The following ARMCX4 variants were observed in gnomAD, a reference collection of about 807,000 sequenced individuals.
ARMCX4 encodes the protein armadillo repeat containing X-linked 4.
In ARMCX4, 3 loss-of-function variants were observed where a neutral mutation model predicts 34.7. That is an observed-to-expected ratio of 0.09 (90% CI 0.04 to 0.22). The LOEUF (loss-of-function observed/expected upper bound fraction) is 0.22, where lower values mean the gene tolerates loss of function less well. Ranked by LOEUF, ARMCX4 falls within the 10% of genes least tolerant of loss-of-function variation. The pLI, the probability that ARMCX4 is intolerant of heterozygous loss-of-function variation, is 1.00. For synonymous variants in ARMCX4, 513 were observed against 632.8 expected (o/e 0.81, Z 2.84); for missense variants, 1,448 against 1,720.8 (o/e 0.84, Z 2.81).
intron 10 of ARMCX4, among the ~76,000 whole-genome samples, chrX:101,510,239 T>C (rs1260829859): frequency 2.7e-5 from 3 of 112,187 alleles, no homozygotes; most frequent in Non-Finnish European, 5.6e-5. Flanking sequence ...TTTTTTTAGG[T>C]TGTTTATTTG....
intron 2 of ARMCX4, among the ~76,000 whole-genome samples, chrX:101,440,850 C>T (rs1307657049): frequency 2.7e-5 from 3 of 111,227 alleles, no homozygotes; most frequent in East Asian, 2.8e-4. Context: ...GGGAGTGACC[C>T]GATTTTCCAG....
intron 2 of ARMCX4, among the ~76,000 whole-genome samples, chrX:101,429,484 C>T (rs1197673465): frequency 5.5e-5 from 6 of 108,434 alleles, no homozygotes; most frequent in African/African-American, 2.0e-4. Flanking sequence ...TACAGGCATG[C>T]GCCACCATGC....
chrX:101,526,207 C>T (rs1187338760), intron 11 of ARMCX4, among the ~76,000 whole-genome samples: 2 of 111,856 alleles, frequency 1.8e-5, no homozygotes, highest in Admixed American at 9.5e-5. Context: ...GAATTTTCAA[C>T]CCCAAATTTC....
chrX:101,460,296 G>A (rs1330561025), intron 4 of ARMCX4, among the ~76,000 whole-genome samples: 3 of 112,099 alleles, frequency 2.7e-5, no homozygotes, highest in Non-Finnish European at 3.8e-5. Flanking sequence ...ACCAGTCACT[G>A]GTCCTTAGAA....
At chrX:101,533,686 G>T (rs1252239925), downstream of ARMCX4, among the ~76,000 whole-genome samples, 4 of 111,916 alleles carry the variant, frequency 3.6e-5, no homozygotes, top group Non-Finnish European at 7.5e-5. Flanking sequence ...AGAATAGGTG[G>T]ATATTTCTTA....
chrX:101,429,897 A>G (rs1929886375), intron 2 of ARMCX4, among the ~76,000 whole-genome samples: 1 of 111,677 alleles, frequency 9.0e-6, no homozygotes, highest in Admixed American at 9.6e-5. Context: ...TTCTTACCAT[A>G]TAAGAATGGA....
chrX:101,475,458 T>C (rs6621074), intron 4 of ARMCX4, among the ~76,000 whole-genome samples: 55,092 of 109,988 alleles, frequency 0.5, 10,944 homozygotes, highest in African/African-American at 0.75. Context: ...AACACAAAGC[T>C]GGCAGTGGGC....
At chrX:101,497,864 CA>C (rs1934213620), downstream of ARMCX4, among the ~76,000 whole-genome samples, 2 of 111,933 alleles carry the variant, frequency 1.8e-5, no homozygotes, top group Non-Finnish European at 3.8e-5. Flanking sequence ...AAAATAATGT[CA>C]CACTTGTAGT....
In ARMCX4 at chrX:101,436,618, T is replaced by C. The variant is rs782529716; in HGVS notation, n.165-7434T>C. Among the ~76,000 whole-genome samples, 7 of 111,650 alleles carry C rather than the reference T, an allele frequency of 6.3e-5. No individual in the cohort carries two copies. In the South Asian group the frequency reaches 2.7e-3, roughly 42 times the overall value. On this transcript the variant is annotated intron_variant and non_coding_transcript_variant, in intron 2 of 3. Transcript: ENST00000430461. ...GGGACAATTTGACTTCCTCTTTTCC[T>C]AATTGAATACCCTTTATTTCCTTCT...
Position 101,490,819 on chromosome X carries a change from A to G in ARMCX4, c.2230A>G (p.Thr744Ala). 4 of 1,107,936 alleles carry G rather than the reference A, an allele frequency of 3.6e-6. No homozygotes were observed. Among genetic ancestry groups the G allele is most frequent in the Non-Finnish European group, 4.7e-6 (4 of 842,466 alleles). The allele number at this position is 1,107,936 out of a possible 1,213,427, so 91.3% of individuals were successfully genotyped here. ...TVPNSGVGPYTTDSARLQAVA... is the reference protein window; with the variant it reads ...TVPNSGVGPYATDSARLQAVA... ...GCCTAATTCAGGGGTTGGGCCATAT[A>G]CAACAGACTCTGCCCGGCTCCAGGC... The change falls in exon 6 of 6, where the codon ACA becomes GCA. Residue 744 changes from threonine (T) to alanine (A), a missense_variant. Transcript: ENST00000423738.
intron 7 of ARMCX4, among the ~76,000 whole-genome samples, chrX:101,501,759 A>G (rs1934304646): frequency 8.9e-6 from 1 of 112,514 alleles, no homozygotes; most frequent in Admixed American, 9.3e-5. Flanking sequence ...TTGCCATGGC[A>G]TTTGTAAACT....
At chrX:101,533,095 C>T (rs1007499085) in exon 13 of ARMCX4, 1 of 109,014 alleles carries the variant, frequency 9.2e-6, no homozygotes, top group Non-Finnish European at 1.9e-5. Flanking sequence ...GACTGCATCC[C>T]CCAGACTCCA....
At chrX:101,472,640 G>A (rs1446323448) in intron 4 of ARMCX4, among the ~76,000 whole-genome samples, 4 of 64,270 alleles carry the variant, frequency 6.2e-5, no homozygotes, top group Non-Finnish European at 8.1e-5. Context: ...AGAAGAGAGT[G>A]GGGGCCAATA....
chrX:101,422,506 T>C (rs781814623), intron 2 of ARMCX4, among the ~76,000 whole-genome samples: 10 of 110,837 alleles, frequency 9.0e-5, no homozygotes, highest in Non-Finnish European at 1.5e-4. Context: ...CTCCATCGAG[T>C]TCAGGGTCTG....
At chrX:101,501,841 T>A (rs1320852738) in intron 7 of ARMCX4, among the ~76,000 whole-genome samples, 1 of 111,803 alleles carries the variant, frequency 8.9e-6, no homozygotes, top group Non-Finnish European at 1.9e-5. Flanking sequence ...TTTCATCATC[T>A]CCTGGTGTCT....
chrX:101,469,618 T>C (rs1932855168), intron 4 of ARMCX4, among the ~76,000 whole-genome samples: 1 of 111,899 alleles, frequency 8.9e-6, no homozygotes, highest in South Asian at 3.7e-4. Context: ...AAATGTTCAA[T>C]TTGAAGAGTT....
At chrX:101,524,891 C>G (rs891844254) in intron 11 of ARMCX4, among the ~76,000 whole-genome samples, 5 of 112,008 alleles carry the variant, frequency 4.5e-5, no homozygotes, top group Non-Finnish European at 7.5e-5. Context: ...CAAAAGGCAG[C>G]AGAAACTTCT....
chrX:101,460,893 C>T (rs915280426), intron 4 of ARMCX4, among the ~76,000 whole-genome samples: 3 of 111,162 alleles, frequency 2.7e-5, no homozygotes, highest in Non-Finnish European at 5.7e-5. Flanking sequence ...AATCCCTATC[C>T]TTGAGTGTGG....
In ARMCX4 at chrX:101,489,621, C is replaced by T; in HGVS notation, c.1032C>T (p.Thr344=). The change falls in exon 6 of 6, where the codon ACC becomes ACT. Residue 344 remains threonine (T), a synonymous_variant. Transcript: ENST00000423738. ...PGAKIDAGGN[T]NAMCKVGAGA... ...CAAAGATTGATGCCGGGGGTAACAC[C>T]AATGCCATGTGTAAGGTGGGGGCAG... 6 of 1,154,643 alleles carry T rather than the reference C, an allele frequency of 5.2e-6. No individual in the cohort carries two copies. The highest frequency in any genetic ancestry group is 6.9e-6 in the Non-Finnish European group (6 of 872,339).
Sources: allele counts gnomAD v4.1 joint callset (sites outside exome capture counted in the v4.1 genomes callset), GRCh38; gene constraint gnomAD v4.1.1; transcripts MANE v1.5; gene names NCBI Gene and HGNC (gene_info 2026-07-23, HGNC 2026-07-21).